The following COX20 variants were observed in gnomAD, a reference collection of about 807,000 sequenced individuals.
COX20 encodes cytochrome c oxidase assembly protein COX20, mitochondrial.
COX20 carries 14 observed loss-of-function variants against 14.3 expected under a neutral mutation model. That is an observed-to-expected ratio of 0.98 (90% CI 0.65 to 1.53). The LOEUF (loss-of-function observed/expected upper bound fraction) is 1.53. Ranked by LOEUF, COX20 falls within the 40% of genes most tolerant of loss-of-function variation. The pLI is 0.00. For synonymous variants in COX20, 56 were observed against 51.7 expected (o/e 1.08, Z -0.36); for missense variants, 149 against 142.1 (o/e 1.05, Z -0.25).
At position 244,844,410 on chromosome 1, in the gene COX20, GGCACAAATCAAAGCTGCAT is replaced by G. The variant is rs1680342526; in HGVS notation, c.*1239_*1257del. On this transcript the variant is annotated 3_prime_UTR_variant, in exon 4 of 4. Transcript: ENST00000411948. ...GGAAGACAGTTTGCCCACTCTTAGT[GGCACAAATCAAAGCTGCAT>G]GCACTACATTATCCAAATTAGTCGT... is the stretch of plus-strand genomic sequence containing the variant. 6.6e-6 allele frequency: 1 copy of G among 152,138 alleles called. No individual in the cohort carries two copies. The highest frequency in any genetic ancestry group is 1.5e-5 in the Non-Finnish European group (1 of 68,016). The allele number at this position is 152,138 out of a possible 1,614,324, so 9.4% of individuals were successfully genotyped here. A position where few individuals can be genotyped will look rare whatever the true frequency, so the allele number is the denominator to read the frequency against.
intron 3 of COX20, 48 bp downstream of exon 3, chr1:244,842,306 C>G (rs965734104): frequency 3.1e-6 from 4 of 1,297,400 alleles, no homozygotes; most frequent in Non-Finnish European, 4.5e-6. Context: ...AGTAGGTTAT[C>G]TAATTCAAAA....
At chr1:244,836,716 G>T (rs915815731) in intron 1 of COX20, among the ~76,000 whole-genome samples, 7 of 152,052 alleles carry the variant, frequency 4.6e-5, no homozygotes, top group Non-Finnish European at 8.8e-5. Flanking sequence ...GTGCTAAATG[G>T]CTCCTAATAT....
rs952551774 is a variant in COX20 at position 244,841,994 on chromosome 1, G to A, written c.93G>A (p.Arg31=). Residue 31 remains arginine, a synonymous_variant, in exon 2 of 4, where the codon CGG becomes CGA. Transcript: ENST00000411948. ...FLDVENTPCA[R]HSILYGSLGS... is the part of the protein sequence containing the mutation. ...ATGTTGAAAATACTCCCTGCGCCCG[G>A]CATTCAATATTGTATGGTTCATTAG... 4.3e-6 allele frequency: 7 copies of A among 1,611,640 alleles called. No homozygotes were observed. The highest frequency in any genetic ancestry group is 5.9e-6 in the Non-Finnish European group (7 of 1,178,604).
At chr1:244,837,286 C>T (rs1680023370) in intron 1 of COX20, among the ~76,000 whole-genome samples, 1 of 152,092 alleles carries the variant, frequency 6.6e-6, no homozygotes, top group African/African-American at 2.4e-5. Flanking sequence ...CCTATCAGAG[C>T]CCATCAAAAA....
chr1:244,842,953 TTAA>T (rs1680266280), intron 3 of COX20, 85 bp from the exon 4 acceptor site: 15 of 1,032,130 alleles, frequency 1.5e-5, no homozygotes, highest in Non-Finnish European at 2.0e-5. Flanking sequence ...TCATCTGTAT[TTAA>T]GTTTTGTGTG....
chr1:244,840,213 C>T (rs1680142971), intron 1 of COX20: 1 of 152,114 alleles, frequency 6.6e-6, no homozygotes, highest in South Asian at 2.1e-4. Context: ...TCAGAAAAAA[C>T]CACCTAGAGT....
chr1:244,842,084 C>CTATG (rs769007265), intron 2 of COX20, 26 bp downstream of exon 2: 2 of 1,540,042 alleles, frequency 1.3e-6, no homozygotes, highest in Admixed American at 3.4e-5. Context: ...TTTTATTTCT[C>CTATG]TATGTACTAA....
At chr1:244,838,900 C>T (rs1374959308) in intron 1 of COX20, among the ~76,000 whole-genome samples, 1 of 152,066 alleles carries the variant, frequency 6.6e-6, no homozygotes, top group Non-Finnish European at 1.5e-5. Context: ...TCAAGCGATT[C>T]TGCCTCAGCC....
At chr1:244,841,292 C>T (rs1042080842) in intron 1 of COX20, 1 of 152,196 alleles carries the variant, frequency 6.6e-6, no homozygotes, top group Non-Finnish European at 1.5e-5. Context: ...CTCTTTGGAT[C>T]CCCGCGTTTT....
rs904309710 is a variant in COX20, at chr1:244,837,907, G to A, written c.42+2151G>A. Among the ~76,000 whole-genome samples, 3 of 152,298 alleles carry A rather than the reference G, an allele frequency of 2.0e-5. No homozygotes were observed. The East Asian group carries it at 5.8e-4, about 29-fold the overall frequency. On this transcript the variant is annotated intron_variant, in intron 1 of 3. Transcript: ENST00000411948. ...AATGGTAAGGATTCTGAGCATAATC[G>A]GAGGCTACAGAGGACTTATTATAGT... is the stretch of plus-strand genomic sequence containing the variant.
At chr1:244,841,909 T>C (rs1378063267) in intron 1 of COX20, 35 bp from the exon 2 acceptor site, 1 of 1,313,290 alleles carries the variant, frequency 7.6e-7, no homozygotes, top group Non-Finnish European at 1.1e-6. Context: ...TGAAATACTT[T>C]CTTACTCAAT....
Position 244,841,991 on chromosome 1 carries a change from C to T in COX20, c.90C>T (p.Ala30=), listed in dbSNP as rs767044048. 13 of 1,611,920 alleles carry T rather than the reference C, an allele frequency of 8.1e-6. No homozygotes were observed. Among genetic ancestry groups the T allele is most frequent in the African/African-American group, 1.3e-5 (1 of 74,930 alleles). The change falls in exon 2 of 4, where the codon GCC becomes GCT. Residue 30 remains alanine (A), a synonymous_variant. Coordinates refer to ENST00000411948, the MANE Select transcript of COX20 (RefSeq NM_198076.6). ...TAGATGTTGAAAATACTCCCTGCGC[C>T]CGGCATTCAATATTGTATGGTTCAT... ...GFLDVENTPC[A]RHSILYGSLG... is the part of the protein sequence containing the mutation.
At chr1:244,841,870 A>T in intron 1 of COX20, 74 bp from the exon 2 acceptor site, 2 of 842,936 alleles carry the variant, frequency 2.4e-6, no homozygotes, top group Non-Finnish European at 2.0e-6. Context: ...GAAATGGTGT[A>T]TTGTCATTTT....
intron 1 of COX20, among the ~76,000 whole-genome samples, chr1:244,836,162 G>GT (rs1272049359): frequency 6.6e-6 from 1 of 152,156 alleles, no homozygotes; most frequent in Non-Finnish European, 1.5e-5. Flanking sequence ...TAACATAGGA[G>GT]TAATTGCTGA....
chr1:244,838,794 T>G (rs542465432), intron 1 of COX20, among the ~76,000 whole-genome samples: 18 of 151,774 alleles, frequency 1.2e-4, no homozygotes, highest in Non-Finnish European at 2.4e-4. Flanking sequence ...AGAGGATTTT[T>G]GGGTTTTTTT....
chr1:244,839,058 G>A (rs1302506201), intron 1 of COX20, among the ~76,000 whole-genome samples: 1 of 152,208 alleles, frequency 6.6e-6, no homozygotes, highest in Non-Finnish European at 1.5e-5. Context: ...CCAAAGTGCT[G>A]GGATGACGGG....
intron 1 of COX20, among the ~76,000 whole-genome samples, chr1:244,836,963 TAA>T (rs71985930): frequency 1.1e-4 from 16 of 146,956 alleles, no homozygotes; most frequent in Admixed American, 2.0e-4. Context: ...GCTTAGTGTT[TAA>T]AAAAAAAAAA....
intron 1 of COX20, chr1:244,836,524 A>G (rs1679991865): frequency 1.3e-6 from 2 of 1,549,932 alleles, no homozygotes; most frequent in Admixed American, 2.0e-5. Context: ...TTGGAAGGTA[A>G]TAAATGATCT....
intron 1 of COX20, among the ~76,000 whole-genome samples, chr1:244,839,013 C>CT (rs1030760371): frequency 6.6e-6 from 1 of 152,178 alleles, no homozygotes; most frequent in Non-Finnish European, 1.5e-5. Flanking sequence ...TGGTCTCGAA[C>CT]TTCCGACCTC....
Sources: allele counts gnomAD v4.1 joint callset (sites outside exome capture counted in the v4.1 genomes callset), GRCh38; gene constraint gnomAD v4.1.1; transcripts MANE v1.5; gene names NCBI Gene and HGNC (gene_info 2026-07-23, HGNC 2026-07-21).